MTMR3: variants seen among roughly 807,000 people sequenced by gnomAD.
MTMR3 encodes the protein myotubularin related protein 3.
A neutral mutation model predicts 132.4 loss-of-function variants in MTMR3; 32 were observed. The ratio of observed to expected loss-of-function variants is 0.24; its 90% CI spans 0.18 to 0.32. The LOEUF is 0.32. Among genes scored for constraint, MTMR3 ranks in the 10% least tolerant of loss-of-function variants. The probability of loss-of-function intolerance (pLI) is 1.00; values close to 1 mark genes in which losing one functional copy is unlikely to be tolerated. For missense variants in MTMR3, 1,216 were observed against 1,489.6 expected (o/e 0.82, Z 3.02); for synonymous variants, 556 against 550.3 (o/e 1.01, Z -0.14).
At chr22:29,937,094 A>T (rs535367261) in intron 1 of MTMR3, among the ~76,000 whole-genome samples, 1 of 151,920 alleles carries the variant, frequency 6.6e-6, no homozygotes, top group Non-Finnish European at 1.5e-5. Context: ...AGCTTTTGTT[A>T]TTATATATTA....
chr22:29,991,969 T>C (rs771193842), intron 7 of MTMR3: 12 of 227,060 alleles, frequency 5.3e-5, no homozygotes, highest in Non-Finnish European at 9.4e-5. Context: ...TTTGTATACA[T>C]GTGTGGGAAG....
chr22:29,970,935 CTT>C (rs34749290), intron 2 of MTMR3, 39 bp from the exon 3 acceptor site: 8 of 444,038 alleles, frequency 1.8e-5, no homozygotes, highest in South Asian at 1.2e-4. Flanking sequence ...CTCCCCTCCT[CTT>C]TTTTTTTTCT....
chr22:29,908,260 G>C (rs888053152), intron 1 of MTMR3, among the ~76,000 whole-genome samples: 5 of 152,176 alleles, frequency 3.3e-5, no homozygotes, highest in African/African-American at 1.2e-4. Context: ...TGCCATATTA[G>C]TTTTCTAGAG....
intron 6 of MTMR3, 162 bp downstream of exon 6, chr22:29,988,724 A>G (rs1453870584): frequency 4.9e-6 from 2 of 411,714 alleles, no homozygotes; most frequent in Non-Finnish European, 4.3e-6. Flanking sequence ...TGTAGGATGT[A>G]TACTTTGCTA....
chr22:29,977,086 T>C (rs2066643679), intron 3 of MTMR3, among the ~76,000 whole-genome samples: 1 of 151,804 alleles, frequency 6.6e-6, no homozygotes, highest in Admixed American at 6.6e-5. Flanking sequence ...AGCCCAGGAG[T>C]TTGAAACCAA....
intron 16 of MTMR3, 78 bp from the exon 17 acceptor site, chr22:30,019,402 C>A (rs1235458483): frequency 7.3e-7 from 1 of 1,362,654 alleles, no homozygotes; most frequent in Non-Finnish European, 1.0e-6. Context: ...GAAACAACTG[C>A]TTGTTAAAAC....
chr22:29,998,855 C>T lies in MTMR3; in HGVS notation c.555C>T (p.Tyr185=). The part of the protein sequence containing the change: ...AWRISNINEK[Y]KLCGSYPQEL... ...GGATTTCCAACATCAATGAGAAGTA[C>T]AAGTGAGTTATATGGGTCCCTGTGG... Residue 185 remains tyrosine (Y), a splice_region_variant and synonymous_variant, in exon 8 of 20, where the codon TAC becomes TAT. Transcript: ENST00000401950. The T allele has an allele frequency of 6.2e-7, 1 of 1,606,990 alleles. No homozygotes were observed. The highest frequency in any genetic ancestry group is 2.2e-5 in the East Asian group (1 of 44,526).
intron 5 of MTMR3, chr22:29,983,819 T>C (rs1013716337): frequency 6.6e-6 from 1 of 152,126 alleles, no homozygotes; most frequent in Non-Finnish European, 1.5e-5. Flanking sequence ...ATTTTATTTT[T>C]TGTAGAGATG....
At chr22:29,949,157 C>G (rs1198975444) in intron 1 of MTMR3, among the ~76,000 whole-genome samples, 1 of 74,930 alleles carries the variant, frequency 1.3e-5, no homozygotes, top group Non-Finnish European at 3.0e-5. Context: ...CCCCCCCCCC[C>G]CCCGAGGCCC....
intron 1 of MTMR3, among the ~76,000 whole-genome samples, chr22:29,950,317 G>T (rs1292036909): frequency 1.3e-5 from 2 of 151,262 alleles, no homozygotes; most frequent in Non-Finnish European, 3.0e-5. Flanking sequence ...AATTATAAGG[G>T]TTTTTTCCTT....
chr22:29,927,467 A>G (rs1377845096), intron 1 of MTMR3, among the ~76,000 whole-genome samples: 3 of 152,222 alleles, frequency 2.0e-5, no homozygotes, highest in Admixed American at 2.0e-4. Context: ...TTATCTTTAG[A>G]TCAGTGAACA....
chr22:29,957,826 G>C (rs2066229731), intron 2 of MTMR3, among the ~76,000 whole-genome samples: 1 of 152,084 alleles, frequency 6.6e-6, no homozygotes, highest in South Asian at 2.1e-4. Context: ...AGGTCCAAAA[G>C]TACTAAAATA....
At chr22:30,001,002 T>C (rs980827673) in intron 8 of MTMR3, 5 of 152,126 alleles carry the variant, frequency 3.3e-5, no homozygotes, top group Non-Finnish European at 7.4e-5. Context: ...CTTTTAAAAA[T>C]TAACTTCTTG....
intron 1 of MTMR3, among the ~76,000 whole-genome samples, chr22:29,956,315 C>T (rs932468934): frequency 6.6e-6 from 1 of 152,066 alleles, no homozygotes; most frequent in Non-Finnish European, 1.5e-5. Context: ...GGCGTGATCT[C>T]GGCTCACTGA....
chr22:29,893,021 G>A (rs1176146831), intron 1 of MTMR3, among the ~76,000 whole-genome samples: 1 of 152,204 alleles, frequency 6.6e-6, no homozygotes, highest in African/African-American at 2.4e-5. Context: ...TGAAAGTTCT[G>A]CAGAAATAGG....
chr22:29,985,533 G>A (rs927926307), intron 5 of MTMR3: 1 of 152,174 alleles, frequency 6.6e-6, no homozygotes, highest in African/African-American at 2.4e-5. Flanking sequence ...AAGGCAGTCT[G>A]TGCAGGAAGT....
intron 1 of MTMR3, among the ~76,000 whole-genome samples, chr22:29,887,672 T>G (rs1311320031): frequency 6.6e-6 from 1 of 152,194 alleles, no homozygotes; most frequent in Non-Finnish European, 1.5e-5. Flanking sequence ...GGAATAGACT[T>G]GGCTAGATTT....
chr22:29,991,907 A>G (rs1011097840), intron 7 of MTMR3: 5 of 361,266 alleles, frequency 1.4e-5, no homozygotes, highest in African/African-American at 2.1e-5. Context: ...CAGCTCAACT[A>G]TAATAAGGTT....
chr22:29,969,180 T>A (rs1479670759), intron 2 of MTMR3, among the ~76,000 whole-genome samples: 1 of 152,196 alleles, frequency 6.6e-6, no homozygotes, highest in Non-Finnish European at 1.5e-5. Flanking sequence ...AAACTTTAAT[T>A]TCTTGTTCCT....
Sources: gnomAD v4.1 joint callset for allele counts (sites outside exome capture counted in the v4.1 genomes callset) on GRCh38, gnomAD v4.1.1 for gene constraint, MANE v1.5 for transcripts, NCBI Gene and HGNC (gene_info 2026-07-23, HGNC 2026-07-21) for gene names.